Variants in NEIL2 observed in about 807,000 individuals in gnomAD.
The protein encoded by NEIL2 is endonuclease 8-like 2.
In NEIL2, 23 loss-of-function variants were observed where a neutral mutation model predicts 22.2. The ratio of observed to expected loss-of-function variants is 1.04; its 90% CI spans 0.75 to 1.47. The LOEUF is 1.47. NEIL2 is among the 40% of genes most tolerant of loss of function. NEIL2 has a pLI of 0.00. For missense variants in NEIL2, 583 were observed against 404.7 expected (o/e 1.44, Z -3.78); for synonymous variants, 229 against 164.8 (o/e 1.39, Z -2.99).
At chr8:11,771,299 C>A in intron 1 of NEIL2, 147 bp from the exon 2 acceptor site, 3 of 966,410 alleles carry the variant, frequency 3.1e-6, no homozygotes, top group Non-Finnish European at 4.8e-6. Context: ...CTGACCGCCT[C>A]CCAGCCACAC....
intron 2 of NEIL2, among the ~76,000 whole-genome samples, chr8:11,775,206 T>C (rs1803802766): frequency 6.6e-6 from 1 of 152,264 alleles, no homozygotes; most frequent in Non-Finnish European, 1.5e-5. Context: ...GTTGTTTCTA[T>C]ACATCCTCAG....
chr8:11,786,449 G>C lies in NEIL2; in HGVS notation c.*176G>C. The C allele has an allele frequency of 3.0e-6, 2 of 657,464 alleles. No individual in the cohort carries two copies. The highest frequency in any genetic ancestry group is 5.4e-6 in the Non-Finnish European group (2 of 372,198). The allele number at this position is 657,464 out of a possible 1,614,324, so 40.7% of individuals were successfully genotyped here. The stretch of plus-strand genomic sequence containing the variant: ...TGAAGGCAGAGTTTTCATAGGGTTA[G>C]ATTTTTTTTATCCTTTTCTAGTTCA... On this transcript the variant is annotated 3_prime_UTR_variant, in exon 5 of 5. Transcript: ENST00000284503.
At chr8:11,783,451 C>T (rs780686764) in intron 4 of NEIL2, 52 bp downstream of exon 4, 18 of 1,560,042 alleles carry the variant, frequency 1.2e-5, no homozygotes, top group South Asian at 1.1e-4. Context: ...ATGGAAAAGT[C>T]GGTCCTGTGG....
intron 2 of NEIL2, among the ~76,000 whole-genome samples, chr8:11,778,637 G>T (rs1322353568): frequency 6.6e-6 from 1 of 151,984 alleles, no homozygotes; most frequent in Non-Finnish European, 1.5e-5. Context: ...TGCATATCAG[G>T]AGGTGCAATA....
At chr8:11,782,916 T>C (rs905349211) in intron 3 of NEIL2, 1 of 480,136 alleles carries the variant, frequency 2.1e-6, no homozygotes, top group Non-Finnish European at 3.9e-6. Context: ...GATGTGGGGA[T>C]GTGTGTATGT....
At chr8:11,778,365 A>G (rs1406599248) in intron 2 of NEIL2, among the ~76,000 whole-genome samples, 2 of 147,096 alleles carry the variant, frequency 1.4e-5, no homozygotes, top group Non-Finnish European at 3.0e-5. Context: ...CTGTGCTCAG[A>G]TTTACAGATA....
chr8:11,783,531 C>T (rs1490109374), intron 4 of NEIL2, 132 bp downstream of exon 4: 1 of 750,402 alleles, frequency 1.3e-6, no homozygotes, highest in Non-Finnish European at 2.4e-6. Flanking sequence ...CTTGCTCAAT[C>T]TCCTTTCTTT....
chr8:11,770,507 T>G (rs1340025313), intron 1 of NEIL2, among the ~76,000 whole-genome samples, 172 bp downstream of exon 1: 1 of 152,224 alleles, frequency 6.6e-6, no homozygotes, highest in East Asian at 1.9e-4. Context: ...ATGCCGAGAT[T>G]GTGAGCCGTC....
intron 1 of NEIL2, among the ~76,000 whole-genome samples, chr8:11,770,803 G>A (rs999879141): frequency 1.3e-5 from 2 of 152,046 alleles, no homozygotes; most frequent in South Asian, 2.1e-4. Flanking sequence ...TGGGAGCCCT[G>A]CGTGGTGATT....
chr8:11,778,863 A>C (rs1386237366), intron 2 of NEIL2, among the ~76,000 whole-genome samples: 1 of 141,950 alleles, frequency 7.0e-6, no homozygotes, highest in Admixed American at 7.8e-5. Context: ...GAGGCAAGAG[A>C]ATCACTTGAA....
intron 1 of NEIL2, 53 bp downstream of exon 1, chr8:11,770,388 C>T (rs967373534): frequency 6.6e-6 from 1 of 152,112 alleles, no homozygotes; most frequent in Non-Finnish European, 1.5e-5. Context: ...GTCAGGATTC[C>T]CTGGGGAGTG....
At chr8:11,770,431 C>G (rs1465656026) in intron 1 of NEIL2, 96 bp downstream of exon 1, 1 of 152,186 alleles carries the variant, frequency 6.6e-6, no homozygotes, top group Admixed American at 6.5e-5. Context: ...AATAGTACAT[C>G]TCAGCGAATC....
intron 1 of NEIL2, among the ~76,000 whole-genome samples, chr8:11,770,980 G>A (rs1803385665): frequency 6.6e-6 from 1 of 152,200 alleles, no homozygotes; most frequent in Non-Finnish European, 1.5e-5. Flanking sequence ...CTGGAGGGCG[G>A]CATCTGGTCC....
chr8:11,782,893 A>C, intron 3 of NEIL2: 1 of 418,764 alleles, frequency 2.4e-6, no homozygotes, highest in Middle Eastern at 7.5e-4. Context: ...AGTGTGCTCT[A>C]TGTTGTGGTA....
chr8:11,770,914 C>G (rs1803379859), intron 1 of NEIL2, among the ~76,000 whole-genome samples: 9 of 152,176 alleles, frequency 5.9e-5, no homozygotes, highest in Admixed American at 5.9e-4. Flanking sequence ...ATTCTGAGCT[C>G]TGTCTGCGTG....
intron 3 of NEIL2, chr8:11,782,644 A>G (rs562585536): frequency 8.6e-5 from 16 of 185,484 alleles, no homozygotes; most frequent in East Asian, 5.7e-4. Context: ...TACTCAAAGT[A>G]TGGCTTTTAC....
chr8:11,781,719 A>G lies in NEIL2; in HGVS notation c.492-1484A>G, dbSNP rs577950219. On this transcript the variant is annotated intron_variant, in intron 3 of 4. Transcript: ENST00000284503. ...CTTTGCTTTGTCTCTTTTTTCTTTA[A>G]TAGGCTGGCCTGAGTTTATCTACTT... 2.7e-3 allele frequency among the ~76,000 whole-genome samples: 407 copies of G among 152,128 alleles called. 2 individuals are homozygous for G. The highest frequency in any genetic ancestry group is 9.1e-3 in the African/African-American group (376 of 41,506).
chr8:11,783,262 G>A lies in NEIL2; in HGVS notation c.551G>A (p.Trp184Ter). The A allele has an allele frequency of 1.2e-6, 2 of 1,614,238 alleles. No individual in the cohort carries two copies. Among genetic ancestry groups the A allele is most frequent in the African/African-American group, 1.3e-5 (1 of 75,060 alleles). ...GCATTTTATAATTGTCAGTTGTCTT[G>A]GAGCTCTTCCCCAGTGGTCACACCC... ...FLAFYNCQLSWSSSPVVTPTC... is the reference protein window; with the variant it reads ...FLAFYNCQLS Residue 184 changes from tryptophan to a stop codon, truncating the protein, a stop_gained, in exon 4 of 5, where the codon TGG becomes TAG. Transcript: ENST00000284503. LOFTEE classifies it high-confidence loss of function.
At position 11,771,415 on chromosome 8, in the gene NEIL2, G is replaced by A. The variant is rs28475629; in HGVS notation, c.-2-31G>A. 1,094 of 1,612,554 alleles carry A rather than the reference G, an allele frequency of 6.8e-4. 5 individuals are homozygous for A. In the African/African-American group the frequency reaches 0.013, roughly 19 times the overall value. On this transcript the variant is annotated intron_variant, in intron 1 of 4. Transcript: ENST00000284503. ...ATGCTAGAGATAAATGAGCTAAGTCGGTGGCCTCTTTTGCCCATTTCTGCC... is the reference window on the plus strand; with the variant it reads ...ATGCTAGAGATAAATGAGCTAAGTCAGTGGCCTCTTTTGCCCATTTCTGCC...
Sources: allele counts gnomAD v4.1 joint callset (sites outside exome capture counted in the v4.1 genomes callset), GRCh38; gene constraint gnomAD v4.1.1; transcripts MANE v1.5; gene names NCBI Gene and HGNC (gene_info 2026-07-23, HGNC 2026-07-21).